STAB2: variants seen among roughly 807,000 people sequenced by gnomAD.
The protein encoded by STAB2 is stabilin-2.
Under a neutral mutation model 338.1 loss-of-function variants are expected in STAB2, and 288 were observed. The ratio of observed to expected loss-of-function variants is 0.85; its 90% CI spans 0.77 to 0.94. The LOEUF is 0.94. Ranked by LOEUF, STAB2 falls within the 40% of genes least tolerant of loss-of-function variation. The pLI is 0.00. For synonymous variants in STAB2, 1,202 were observed against 1,193.3 expected, an observed-to-expected ratio of 1.01 and a Z score of -0.15; for missense variants, 3,141 against 3,210.1, an observed-to-expected ratio of 0.98 and a Z score of 0.52.
chr12:103,737,770 T>C lies in STAB2; in HGVS notation c.5687T>C (p.Phe1896Ser), dbSNP rs1882275851. ...LGGRCDTFTT[F>S]DASGECGSCV... ...GGCCGCTGTGACACCTTTACTACTTTCGATGCCTCGGTCAGTCCTAAAAAC... is the reference window on the plus strand; with the variant it reads ...GGCCGCTGTGACACCTTTACTACTTCCGATGCCTCGGTCAGTCCTAAAAAC... Residue 1896 changes from phenylalanine to serine, a missense_variant, in exon 53 of 69, where the codon TTC (phenylalanine) becomes TCC (serine). By Grantham distance (155) the Phe-to-Ser change is radical. Coordinates refer to ENST00000388887, the MANE Select transcript of STAB2 (RefSeq NM_017564.10). The C allele has an allele frequency of 1.2e-6, 2 of 1,613,894 alleles. No homozygotes were observed. Among genetic ancestry groups the C allele is most frequent in the South Asian group, 1.1e-5 (1 of 91,024 alleles).
intron 3 of STAB2, among the ~76,000 whole-genome samples, chr12:103,610,443 C>T (rs1291045874): frequency 1.3e-5 from 2 of 152,126 alleles, no homozygotes; most frequent in Non-Finnish European, 2.9e-5. Flanking sequence ...GGAATTTATC[C>T]ATTTCTTCTA....
chr12:103,649,500 G>A (rs546438808), intron 10 of STAB2, among the ~76,000 whole-genome samples: 9 of 152,190 alleles, frequency 5.9e-5, no homozygotes, highest in South Asian at 2.1e-4. Context: ...AAATCCAGCC[G>A]TTCTGAAAAA....
In STAB2 at chr12:103,715,826, T is replaced by C. The variant is rs1274893402; in HGVS notation, c.4549T>C (p.Cys1517Arg). 2.5e-6 allele frequency: 4 copies of C among 1,614,076 alleles called. No individual in the cohort carries two copies. Among genetic ancestry groups the C allele is most frequent in the South Asian group, 1.1e-5 (1 of 91,078 alleles). Residue 1517 changes from cysteine (C) to arginine (R), a missense_variant, in exon 43 of 69, where the codon TGT becomes CGT. Transcript: ENST00000388887. ...TTTTTGTTTTAAAGAAATCAACCCG[T>C]GTTTGGAGAACCATGGTGGCTGTGA... ...DGIVCLEINPCLENHGGCDKN... is the reference protein window; with the variant it reads ...DGIVCLEINPRLENHGGCDKN...
chr12:103,620,403 C>T (rs985716484), intron 3 of STAB2, 65 bp from the exon 4 acceptor site: 10 of 1,410,662 alleles, frequency 7.1e-6, no homozygotes, highest in South Asian at 6.3e-5. Context: ...GGTGTTTAAG[C>T]GCATCCTTGC....
chr12:103,726,119 C>T lies in STAB2; in HGVS notation c.4807C>T (p.Leu1603Phe), dbSNP rs756685270. 1.2e-6 allele frequency: 2 copies of T among 1,613,890 alleles called. No individual in the cohort carries two copies. Among genetic ancestry groups the T allele is most frequent in the Non-Finnish European group, 1.7e-6 (2 of 1,179,810 alleles). The change falls in exon 46 of 69, where the codon CTT (leucine) becomes TTT (phenylalanine). Residue 1603 changes from leucine (L) to phenylalanine (F), a missense_variant. Physicochemically the swap from Leu to Phe is conservative, Grantham distance 22 (BLOSUM62 0). Coordinates refer to ENST00000388887, the MANE Select transcript of STAB2 (RefSeq NM_017564.10). ...FTCRGSIYQE[L>F]PKNPKTSQYF... ...TGAAACTACTCTTTGTTTGCAGGAG[C>T]TTCCCAAGAACCCGAAAACTTCCCA...
At chr12:103,609,930 A>G (rs979763791) in intron 3 of STAB2, among the ~76,000 whole-genome samples, 5 of 152,176 alleles carry the variant, frequency 3.3e-5, no homozygotes, top group East Asian at 1.9e-4. Context: ...CCTTTTCTGC[A>G]TCTATTGTGA....
chr12:103,733,451 C>A (rs1327587503), intron 51 of STAB2, among the ~76,000 whole-genome samples: 2 of 152,138 alleles, frequency 1.3e-5, no homozygotes, highest in African/African-American at 4.8e-5. Flanking sequence ...CCTCTCTCTA[C>A]TGCAGATCAG....
intron 6 of STAB2, among the ~76,000 whole-genome samples, chr12:103,636,169 G>A (rs1159877401): frequency 1.3e-5 from 2 of 151,380 alleles, no homozygotes; most frequent in East Asian, 1.9e-4. Context: ...TTAGCATTAG[G>A]TGTATCTCCT....
intron 25 of STAB2, among the ~76,000 whole-genome samples, chr12:103,678,522 A>T (rs1205049343): frequency 1.3e-5 from 2 of 152,164 alleles, no homozygotes; most frequent in East Asian, 3.9e-4. Flanking sequence ...AGACAAATGG[A>T]GATCTGCCCT....
At chr12:103,708,322 CTA>C (rs1879546686) in intron 38 of STAB2, 117 bp from the exon 39 acceptor site, 25 of 988,832 alleles carry the variant, frequency 2.5e-5, no homozygotes, top group Admixed American at 4.0e-5. Flanking sequence ...CTGTTAAAGA[CTA>C]TGATTCCTAG....
chr12:103,742,422 G>T lies in STAB2; in HGVS notation c.5899G>T (p.Asp1967Tyr). The change falls in exon 56 of 69, where the codon GAT becomes TAT. Residue 1967 changes from aspartate to tyrosine, a missense_variant. Asp to Tyr is a radical substitution (Grantham distance 160, BLOSUM62 -3). Coordinates refer to ENST00000388887, the MANE Select transcript of STAB2 (RefSeq NM_017564.10). ...RDCQACPGGP[D>Y]APCNNRGVCL... ...TCTTCCAGCCTGCCCTGGAGGACCA[G>T]ATGCCCCGTGTAATAACCGGGGTGT... 1 of 1,614,162 alleles carries T rather than the reference G, an allele frequency of 6.2e-7. No individual in the cohort carries two copies. Among genetic ancestry groups the T allele is most frequent in the South Asian group, 1.1e-5 (1 of 91,068 alleles).
At chr12:103,645,286 A>G (rs1232853356) in intron 9 of STAB2, among the ~76,000 whole-genome samples, 1 of 152,248 alleles carries the variant, frequency 6.6e-6, no homozygotes, top group Non-Finnish European at 1.5e-5. Flanking sequence ...TTAAGTCAGA[A>G]ACTGGTCTCA....
chr12:103,721,862 CT>C (rs1421367176), intron 44 of STAB2, among the ~76,000 whole-genome samples: 1 of 152,114 alleles, frequency 6.6e-6, no homozygotes, highest in Non-Finnish European at 1.5e-5. Context: ...ATAAGACCTG[CT>C]GATAGACTGG....
chr12:103,617,790 G>A (rs1057245140), intron 3 of STAB2, among the ~76,000 whole-genome samples: 1 of 152,232 alleles, frequency 6.6e-6, no homozygotes, highest in Non-Finnish European at 1.5e-5. Flanking sequence ...ATACCTGCCT[G>A]ATAATGGTGG....
At chr12:103,678,390 C>G (rs10861074) in intron 25 of STAB2, among the ~76,000 whole-genome samples, 45,999 of 152,096 alleles carry the variant, frequency 0.3, 7,577 homozygotes, top group South Asian at 0.43. Flanking sequence ...CCTTTTGGTT[C>G]TCAGACCTCT....
intron 10 of STAB2, 146 bp from the exon 11 acceptor site, chr12:103,650,350 T>C (rs1156334148): frequency 1.7e-6 from 1 of 571,798 alleles, no homozygotes; most frequent in Non-Finnish European, 3.2e-6. Context: ...AGATTCCCAG[T>C]TGACACAGGG....
intron 27 of STAB2, among the ~76,000 whole-genome samples, chr12:103,687,852 C>T (rs781176224): frequency 6.6e-5 from 10 of 152,184 alleles, no homozygotes; most frequent in African/African-American, 1.2e-4. Flanking sequence ...TCTAGGTAGC[C>T]GCGTTCTTAC....
rs1191651993 is a variant in STAB2, at chr12:103,708,534, A to G, written c.4286A>G (p.Asn1429Ser). 3.1e-6 allele frequency: 5 copies of G among 1,613,990 alleles called. No individual in the cohort carries two copies. The highest frequency in any genetic ancestry group is 1.1e-5 in the South Asian group (1 of 91,072). The change falls in exon 39 of 69, where the codon AAT becomes AGT. Residue 1429 changes from asparagine to serine, a missense_variant and splice_region_variant. Physicochemically the swap from Asn to Ser is conservative, Grantham distance 46. Transcript: ENST00000388887. ...GGCTGGCGAGGAGTGCATTGTGACAATGGTAAGAGTGAGGCCTCCAGTATT... is the reference window on the plus strand; with the variant it reads ...GGCTGGCGAGGAGTGCATTGTGACAGTGGTAAGAGTGAGGCCTCCAGTATT... Reference protein sequence around the residue: ...DVGWRGVHCDNATTEDNCNGT... With the variant: ...DVGWRGVHCDSATTEDNCNGT...
chr12:103,639,324 G>T (rs1396691799), intron 8 of STAB2, among the ~76,000 whole-genome samples: 1 of 152,042 alleles, frequency 6.6e-6, no homozygotes, highest in Non-Finnish European at 1.5e-5. Flanking sequence ...AATTCTTTGT[G>T]GGAAGGGGCT....
Sources: allele counts gnomAD v4.1 joint callset (sites outside exome capture counted in the v4.1 genomes callset), GRCh38; gene constraint gnomAD v4.1.1; transcripts MANE v1.5; gene names NCBI Gene and HGNC (gene_info 2026-07-23, HGNC 2026-07-21).